The following EYS variants were observed in gnomAD, a reference collection of about 807,000 sequenced individuals.
EYS encodes protein eyes shut homolog.
Under a neutral mutation model 282.1 loss-of-function variants are expected in EYS, and 250 were observed. The observed-to-expected ratio is 0.89, with a 90% confidence interval of 0.80 to 0.98. The LOEUF is 0.98. Among genes scored for constraint, EYS ranks in the 50% least tolerant of loss-of-function variants. The pLI is 0.00. For synonymous variants in EYS, 1,355 were observed against 1,282.9 expected (o/e 1.06, Z -1.20); for missense variants, 4,016 against 3,709.0 (o/e 1.08, Z -2.15).
At chr6:65,039,128 C>G (rs1772854811) in intron 13 of EYS, among the ~76,000 whole-genome samples, 1 of 151,358 alleles carries the variant, frequency 6.6e-6, no homozygotes, top group Non-Finnish European at 1.5e-5. Flanking sequence ...TACATTTTCT[C>G]CTTCATAGTT....
chr6:64,498,566 A>G (rs548016829), intron 26 of EYS, among the ~76,000 whole-genome samples: 1 of 151,960 alleles, frequency 6.6e-6, no homozygotes, highest in South Asian at 2.1e-4. Flanking sequence ...TCAACCCATC[A>G]TCTAGGTTTT....
chr6:64,619,331 A>G (rs777371546), intron 23 of EYS, among the ~76,000 whole-genome samples: 12 of 152,220 alleles, frequency 7.9e-5, no homozygotes, highest in Non-Finnish European at 1.5e-4. Flanking sequence ...AGTGTAAAAG[A>G]AAAATTGCAC....
At chr6:63,753,166 A>G (rs200174092) in intron 41 of EYS, among the ~76,000 whole-genome samples, 17 of 129,912 alleles carry the variant, frequency 1.3e-4, no homozygotes, top group African/African-American at 4.6e-4. Flanking sequence ...ATATATATAT[A>G]TGTATATATA....
At chr6:64,746,139 GC>G (rs758461542) in intron 22 of EYS, among the ~76,000 whole-genome samples, 8 of 151,654 alleles carry the variant, frequency 5.3e-5, no homozygotes, top group Non-Finnish European at 1.2e-4. Context: ...TGTTACAAGG[GC>G]AATTAAATTT....
chr6:64,654,317 G>T (rs1768671417), intron 22 of EYS, among the ~76,000 whole-genome samples: 1 of 152,004 alleles, frequency 6.6e-6, no homozygotes, highest in Non-Finnish European at 1.5e-5. Flanking sequence ...GTGTTGATCT[G>T]ATCATTCAAT....
At chr6:64,925,158 T>A (rs1768475488) in intron 15 of EYS, among the ~76,000 whole-genome samples, 1 of 152,190 alleles carries the variant, frequency 6.6e-6, no homozygotes, top group Admixed American at 6.5e-5. Context: ...AAGCCACTTC[T>A]TACATGGTAG....
intron 22 of EYS, among the ~76,000 whole-genome samples, chr6:64,701,500 G>A (rs1005338143): frequency 1.5e-4 from 23 of 152,114 alleles, no homozygotes; most frequent in African/African-American, 5.3e-4. Flanking sequence ...ATCTGTACTT[G>A]TATGTTTATT....
In EYS at chr6:63,721,271, A is replaced by G; in HGVS notation, c.8760T>C (p.Leu2920=). The change falls in exon 43 of 43, where the codon CTT becomes CTC. Residue 2920 remains leucine, a synonymous_variant. Transcript: ENST00000503581. ...GTATACATAAAGATTGGTGGAGGCA[A>G]AGATTATTCAAACAGGACACAGACT... ...CNQSVSCLNN[L]CLHQSLCIPD... is the part of the protein sequence containing the mutation. The G allele has an allele frequency of 6.4e-7, 1 of 1,551,972 alleles. No homozygotes were observed. The highest frequency in any genetic ancestry group is 1.4e-5 in the African/African-American group (1 of 73,168).
intron 11 of EYS, among the ~76,000 whole-genome samples, chr6:65,320,582 T>A (rs1287538691): frequency 6.6e-6 from 1 of 152,192 alleles, no homozygotes; most frequent in Non-Finnish European, 1.5e-5. Context: ...GTGGCACATT[T>A]GGCTCCTTGA....
At chr6:64,000,413 G>A (rs973795359) in intron 33 of EYS, among the ~76,000 whole-genome samples, 1 of 149,664 alleles carries the variant, frequency 6.7e-6, no homozygotes, top group African/African-American at 2.5e-5. Context: ...GGATGGTCTC[G>A]ATCTCCTGAC....
At chr6:65,361,489 CTT>C in intron 8 of EYS, among the ~76,000 whole-genome samples, 1 of 147,500 alleles carries the variant, frequency 6.8e-6, no homozygotes, top group Non-Finnish European at 1.5e-5. Flanking sequence ...TCGTTCGTTC[CTT>C]TTTTTTTTGG....
intron 30 of EYS, among the ~76,000 whole-genome samples, chr6:64,299,255 G>A (rs1769143063): frequency 6.6e-6 from 1 of 152,218 alleles, no homozygotes; most frequent in Non-Finnish European, 1.5e-5. Context: ...AGGGTGACCA[G>A]ATTAATTACC....
chr6:63,989,729 T>G (rs140817700), intron 34 of EYS, among the ~76,000 whole-genome samples: 4,902 of 151,550 alleles, frequency 0.032, 101 homozygotes, highest in Middle Eastern at 0.054. Context: ...CCCCGTGTTA[T>G]GCTGCCTTAG....
intron 2 of EYS, among the ~76,000 whole-genome samples, chr6:65,545,807 G>A (rs1288227748): frequency 6.6e-6 from 1 of 152,024 alleles, no homozygotes. Context: ...ATTATTTCAT[G>A]ACTATTATGG....
intron 26 of EYS, among the ~76,000 whole-genome samples, chr6:64,566,570 C>A (rs540594125): frequency 6.6e-6 from 1 of 152,084 alleles, no homozygotes. Flanking sequence ...AGGCACTACA[C>A]ATTTATCTAA....
At chr6:65,526,966 G>A (rs924437038) in intron 2 of EYS, among the ~76,000 whole-genome samples, 8 of 152,190 alleles carry the variant, frequency 5.3e-5, no homozygotes, top group Non-Finnish European at 1.2e-4. Context: ...TGTTGGAACA[G>A]GAGTGTGTGG....
chr6:65,322,545 C>T (rs1769503413), intron 11 of EYS, among the ~76,000 whole-genome samples: 1 of 151,798 alleles, frequency 6.6e-6, no homozygotes, highest in Admixed American at 6.6e-5. Flanking sequence ...GCCTGTAATC[C>T]CAGCACTTTG....
chr6:65,513,550 T>C (rs1353645565), intron 2 of EYS, among the ~76,000 whole-genome samples: 2 of 152,126 alleles, frequency 1.3e-5, no homozygotes, highest in Non-Finnish European at 2.9e-5. Flanking sequence ...AATAAAATAC[T>C]GGCAAACCAA....
At chr6:65,376,550 C>T (rs1765371092) in intron 8 of EYS, among the ~76,000 whole-genome samples, 1 of 152,116 alleles carries the variant, frequency 6.6e-6, no homozygotes, top group Non-Finnish European at 1.5e-5. Flanking sequence ...TGTAAATGGG[C>T]TAAATGCCCC....
Sources: allele counts gnomAD v4.1 joint callset (sites outside exome capture counted in the v4.1 genomes callset), GRCh38; gene constraint gnomAD v4.1.1; transcripts MANE v1.5; gene names NCBI Gene and HGNC (gene_info 2026-07-23, HGNC 2026-07-21).